SMAGP: variants seen among roughly 807,000 people sequenced by gnomAD.
SMAGP encodes the protein small cell adhesion glycoprotein.
In SMAGP, 7 loss-of-function variants were observed where a neutral mutation model predicts 10.1. The observed-to-expected ratio is 0.70, with a 90% CI of 0.40 to 1.31. The LOEUF is 1.31. Among genes scored for constraint, SMAGP ranks in the 50% most tolerant of loss-of-function variants. The pLI is 0.01. For missense variants in SMAGP, 113 were observed against 116.5 expected, an observed-to-expected ratio of 0.97 and a Z score of 0.14; for synonymous variants, 49 against 47.2, an observed-to-expected ratio of 1.04 and a Z score of -0.16.
chr12:51,248,316 CT>C (rs975428199), intron 2 of SMAGP, among the ~76,000 whole-genome samples: 1 of 151,958 alleles, frequency 6.6e-6, no homozygotes, highest in Admixed American at 6.6e-5. Context: ...CAGGCCAAAC[CT>C]TTCTCTCTGG....
chr12:51,254,218 T>A (rs1307419091), intron 2 of SMAGP, among the ~76,000 whole-genome samples: 1 of 152,180 alleles, frequency 6.6e-6, no homozygotes, highest in Non-Finnish European at 1.5e-5. Context: ...ACCCTCTGTT[T>A]ATATAATTTA....
At position 51,261,125 on chromosome 12, in the gene SMAGP, T is replaced by C. The variant is rs1297816367; in HGVS notation, c.34+8120A>G. 3.0e-5 allele frequency among the ~76,000 whole-genome samples: 4 copies of C among 133,136 alleles called. No homozygotes were observed. In the East Asian group the frequency reaches 8.9e-4, roughly 30 times the overall value. The allele number at this position is 133,136 out of a possible 152,430, so 87.3% of individuals were successfully genotyped here. On this transcript the variant is annotated intron_variant, in intron 2 of 3. Transcript: ENST00000603798. The stretch of plus-strand genomic sequence containing the variant: ...TTTTTTTTTTTTCTGAGACGGAGTC[T>C]CACTCTGTCACCTGGGCTGGAGTGC...
chr12:51,269,460 ATC>A (rs1234573124), intron 1 of SMAGP, 144 bp from the exon 2 acceptor site: 14 of 629,754 alleles, frequency 2.2e-5, no homozygotes, highest in African/African-American at 1.1e-4. Flanking sequence ...TTCCCTGAAT[ATC>A]TCCTCAGGCT....
At position 51,269,233 on chromosome 12, in the gene SMAGP, G is replaced by A; in HGVS notation, c.34+12C>T. On this transcript the variant is annotated intron_variant, in intron 2 of 3. Transcript: ENST00000603798. ...TTCTTTCTCACTGGGATTAGGAAAG[G>A]CCTTCACCTACCTCTTGGAGAAGGA... 6 of 1,613,668 alleles carry A rather than the reference G, an allele frequency of 3.7e-6. No homozygotes were observed. Among genetic ancestry groups the A allele is most frequent in the Non-Finnish European group, 5.1e-6 (6 of 1,179,644 alleles).
chr12:51,248,432 ACACT>A (rs1269576677), intron 2 of SMAGP, among the ~76,000 whole-genome samples: 415 of 48,658 alleles, frequency 8.5e-3, no homozygotes, highest in African/African-American at 0.026. Context: ...ACACACACAC[ACACT>A]CTCTCTCTCT....
chr12:51,254,528 CAG>C (rs1306147261), intron 2 of SMAGP, among the ~76,000 whole-genome samples: 4 of 151,732 alleles, frequency 2.6e-5, no homozygotes, highest in African/African-American at 9.7e-5. Context: ...ACCTGGGTGA[CAG>C]AGAGAGACTC....
At position 51,253,830 on chromosome 12, in the gene SMAGP, C is replaced by G. The variant is rs148965406; in HGVS notation, c.35-6999G>C. Among the ~76,000 whole-genome samples the G allele has an allele frequency of 2.6e-5, 4 of 152,136 alleles. No homozygotes were observed. In the East Asian group the frequency reaches 7.8e-4, roughly 29 times the overall value. On this transcript the variant is annotated intron_variant, in intron 2 of 3. Transcript: ENST00000603798. ...CCAAGGCAGGAGAATCACTTGAACCCGGGAGGTAGAGGTTGCAGTGAGCCA... is the reference window on the plus strand; with the variant it reads ...CCAAGGCAGGAGAATCACTTGAACCGGGGAGGTAGAGGTTGCAGTGAGCCA...
intron 2 of SMAGP, among the ~76,000 whole-genome samples, chr12:51,259,140 T>C (rs1041500619): frequency 1.3e-5 from 2 of 152,082 alleles, no homozygotes; most frequent in Admixed American, 6.6e-5. Context: ...TCTCAAAAAA[T>C]ATATATTGAA....
intron 2 of SMAGP, among the ~76,000 whole-genome samples, chr12:51,247,998 C>T (rs1208128794): frequency 1.3e-5 from 2 of 152,172 alleles, no homozygotes; most frequent in African/African-American, 4.8e-5. Flanking sequence ...TACCGGGTAA[C>T]AGGGATGGGG....
intron 2 of SMAGP, among the ~76,000 whole-genome samples, chr12:51,254,913 G>C (rs973701559): frequency 2.0e-5 from 3 of 152,230 alleles, no homozygotes; most frequent in Non-Finnish European, 4.4e-5. Context: ...GAGGAGCAGA[G>C]AAAGTCAAGG....
chr12:51,257,170 C>T (rs1944893133), intron 2 of SMAGP, among the ~76,000 whole-genome samples: 1 of 152,112 alleles, frequency 6.6e-6, no homozygotes, highest in South Asian at 2.1e-4. Flanking sequence ...GGAGAAATGC[C>T]AGCATGTTTG....
At chr12:51,246,610 G>C in intron 3 of SMAGP, 141 bp downstream of exon 3, 1 of 490,228 alleles carries the variant, frequency 2.0e-6, no homozygotes, top group African/African-American at 2.1e-5. Context: ...ATGGCTGTGT[G>C]TGTGTGTGTG....
At chr12:51,248,305 C>G (rs1289273901) in intron 2 of SMAGP, among the ~76,000 whole-genome samples, 1 of 152,008 alleles carries the variant, frequency 6.6e-6, no homozygotes, top group Non-Finnish European at 1.5e-5. Flanking sequence ...TCTCCCAAGG[C>G]CAGGCCAAAC....
intron 3 of SMAGP, chr12:51,246,379 G>T: frequency 2.0e-6 from 1 of 489,496 alleles, no homozygotes; most frequent in Non-Finnish European, 3.6e-6. Flanking sequence ...ACCAGTTCCT[G>T]ATTCTTAAAG....
chr12:51,254,148 A>C (rs1944866631), intron 2 of SMAGP, among the ~76,000 whole-genome samples: 1 of 152,202 alleles, frequency 6.6e-6, no homozygotes, highest in South Asian at 2.1e-4. Context: ...TGGACTGTAC[A>C]CTTGAAAATG....
At chr12:51,256,158 A>G (rs1300575340) in intron 2 of SMAGP, among the ~76,000 whole-genome samples, 1 of 152,184 alleles carries the variant, frequency 6.6e-6, no homozygotes, top group East Asian at 1.9e-4. Flanking sequence ...TCTGAAGCAA[A>G]GACGGACAGG....
intron 2 of SMAGP, among the ~76,000 whole-genome samples, chr12:51,252,233 A>C (rs927394534): frequency 6.6e-6 from 1 of 150,968 alleles, no homozygotes; most frequent in Non-Finnish European, 1.5e-5. Context: ...AGCTGGGACT[A>C]CAGGCGCATG....
At chr12:51,267,771 G>A (rs1028371639) in intron 2 of SMAGP, among the ~76,000 whole-genome samples, 1 of 152,024 alleles carries the variant, frequency 6.6e-6, no homozygotes, top group African/African-American at 2.4e-5. Flanking sequence ...AATTACAGGC[G>A]TGAGCCACCA....
chr12:51,259,005 A>AC (rs1456311961), intron 2 of SMAGP, among the ~76,000 whole-genome samples: 1 of 150,880 alleles, frequency 6.6e-6, no homozygotes, highest in African/African-American at 2.4e-5. Flanking sequence ...AAAAAAAAAA[A>AC]AAAAAACCTG....
Sources: gnomAD v4.1 joint callset for allele counts (sites outside exome capture counted in the v4.1 genomes callset) on GRCh38, gnomAD v4.1.1 for gene constraint, MANE v1.5 for transcripts, NCBI Gene and HGNC (gene_info 2026-07-23, HGNC 2026-07-21) for gene names.